Variants in TEAD1 observed in about 807,000 individuals in gnomAD.
The protein encoded by TEAD1 is transcriptional enhancer factor TEF-1.
In TEAD1, 9 loss-of-function variants were observed where a neutral mutation model predicts 54.9. The observed-to-expected ratio is 0.16, with a 90% CI of 0.10 to 0.29. The LOEUF is 0.29. Ranked by LOEUF, TEAD1 falls within the 10% of genes least tolerant of loss-of-function variation. The pLI is 1.00. For synonymous variants in TEAD1, 200 were observed against 187.8 expected (o/e 1.07, Z -0.53); for missense variants, 387 against 535.9 (o/e 0.72, Z 2.74).
In TEAD1 at chr11:12,939,581, C is replaced by T. The variant is rs1035103609; in HGVS notation, c.*2359C>T. 11 of 152,248 alleles carry T rather than the reference C, an allele frequency of 7.2e-5. No homozygotes were observed. The highest frequency in any genetic ancestry group is 2.7e-4 in the African/African-American group (11 of 41,456). The allele number at this position is 152,248 out of a possible 1,614,324, so 9.4% of individuals were successfully genotyped here. ...AACTCTGTTGGCACAGAGACGGGGA[C>T]AGCCCAGTCTGCTGACCTCACAGGG... On this transcript the variant is annotated 3_prime_UTR_variant, in exon 13 of 13. Coordinates refer to ENST00000527636, the MANE Select transcript of TEAD1 (RefSeq NM_021961.6).
At chr11:12,695,909 A>T (rs1198402486) in intron 2 of TEAD1, among the ~76,000 whole-genome samples, 2 of 152,190 alleles carry the variant, frequency 1.3e-5, no homozygotes, top group African/African-American at 4.8e-5. Flanking sequence ...TATTTTAGCC[A>T]GGTTCTGCCC....
intron 2 of TEAD1, among the ~76,000 whole-genome samples, chr11:12,754,255 A>C (rs1022669600): frequency 6.6e-6 from 1 of 152,188 alleles, no homozygotes; most frequent in Non-Finnish European, 1.5e-5. Context: ...ATGTTGTCTC[A>C]CTTTTATCCA....
chr11:12,937,266 C>T lies in TEAD1; in HGVS notation c.*44C>T. ...ATAGATATCTGTATATACACACACA[C>T]ATATGTGCACACACACACTCTCTCT... On this transcript the variant is annotated 3_prime_UTR_variant, in exon 13 of 13. Coordinates refer to ENST00000527636, the MANE Select transcript of TEAD1 (RefSeq NM_021961.6). 6 of 1,302,486 alleles carry T rather than the reference C, an allele frequency of 4.6e-6. No homozygotes were observed. The highest frequency in any genetic ancestry group is 6.6e-6 in the Non-Finnish European group (6 of 905,090). 80.7% of individuals were successfully genotyped at this position (1,302,486 alleles called of 1,614,324 possible).
intron 10 of TEAD1, among the ~76,000 whole-genome samples, chr11:12,915,535 A>G (rs1446413251): frequency 6.6e-6 from 1 of 152,228 alleles, no homozygotes; most frequent in Non-Finnish European, 1.5e-5. Context: ...AAAGGCAAAA[A>G]CATGAAATTT....
intron 2 of TEAD1, among the ~76,000 whole-genome samples, chr11:12,676,800 T>G (rs1590042226): frequency 6.6e-6 from 1 of 152,346 alleles, no homozygotes; most frequent in South Asian, 2.1e-4. Context: ...TGTTGAACTC[T>G]CAGGTTTCAG....
At chr11:12,907,378 A>C (rs889577295) in intron 10 of TEAD1, among the ~76,000 whole-genome samples, 1 of 152,176 alleles carries the variant, frequency 6.6e-6, no homozygotes, top group Non-Finnish European at 1.5e-5. Flanking sequence ...GTGTTTTAAC[A>C]ATTTTTCAGT....
chr11:12,782,112 G>C (rs1590145709), intron 3 of TEAD1, among the ~76,000 whole-genome samples: 1 of 151,942 alleles, frequency 6.6e-6, no homozygotes, highest in African/African-American at 2.4e-5. Context: ...ATCTCCCCAC[G>C]GCACTCCAGC....
At chr11:12,829,071 G>T (rs982673032) in intron 3 of TEAD1, among the ~76,000 whole-genome samples, 5 of 152,094 alleles carry the variant, frequency 3.3e-5, no homozygotes, top group African/African-American at 1.2e-4. Flanking sequence ...AGAGCCATCG[G>T]TTTGTTATTG....
chr11:12,819,611 G>C (rs1294252594), intron 3 of TEAD1, among the ~76,000 whole-genome samples: 1 of 151,922 alleles, frequency 6.6e-6, no homozygotes, highest in Non-Finnish European at 1.5e-5. Flanking sequence ...ACCAAGCCCG[G>C]CTAATTTTTT....
At chr11:12,861,638 A>T (rs1947505724) in intron 3 of TEAD1, among the ~76,000 whole-genome samples, 1 of 152,252 alleles carries the variant, frequency 6.6e-6, no homozygotes, top group South Asian at 2.1e-4. Flanking sequence ...TTTGTTGCTT[A>T]TATGAGTGAC....
At chr11:12,720,693 C>G (rs1944176720) in intron 2 of TEAD1, among the ~76,000 whole-genome samples, 1 of 152,166 alleles carries the variant, frequency 6.6e-6, no homozygotes, top group Non-Finnish European at 1.5e-5. Flanking sequence ...ATAATTGTAA[C>G]CAGCAGAGCT....
At chr11:12,845,522 C>T (rs1004465945) in intron 3 of TEAD1, among the ~76,000 whole-genome samples, 2 of 152,200 alleles carry the variant, frequency 1.3e-5, no homozygotes, top group African/African-American at 4.8e-5. Flanking sequence ...CTGTGACATG[C>T]ATTAACAATA....
intron 9 of TEAD1, 38 bp from the exon 10 acceptor site, chr11:12,901,902 G>T (rs1948432295): frequency 6.2e-6 from 10 of 1,613,932 alleles, no homozygotes; most frequent in Non-Finnish European, 8.5e-6. Flanking sequence ...GTTGATCAAA[G>T]AGTTTGTAAT....
At chr11:12,764,955 G>C (rs894997702) in intron 3 of TEAD1, among the ~76,000 whole-genome samples, 1 of 150,472 alleles carries the variant, frequency 6.6e-6, no homozygotes, top group Non-Finnish European at 1.5e-5. Context: ...ACTCTGTACA[G>C]GCCAGAGAAA....
chr11:12,883,873 T>G (rs1948027698), intron 9 of TEAD1, among the ~76,000 whole-genome samples: 1 of 151,816 alleles, frequency 6.6e-6, no homozygotes, highest in South Asian at 2.1e-4. Flanking sequence ...CACGCACATG[T>G]AGTCCCAGCT....
At chr11:12,742,357 T>A (rs1944665050) in intron 2 of TEAD1, among the ~76,000 whole-genome samples, 1 of 152,050 alleles carries the variant, frequency 6.6e-6, no homozygotes, top group Non-Finnish European at 1.5e-5. Flanking sequence ...AGTGAAATAA[T>A]AAAAGTAAAG....
At chr11:12,694,810 C>T (rs1943544880) in intron 2 of TEAD1, among the ~76,000 whole-genome samples, 1 of 152,122 alleles carries the variant, frequency 6.6e-6, no homozygotes, top group Admixed American at 6.5e-5. Flanking sequence ...GACCCTTCTC[C>T]CCCCTACTGT....
intron 9 of TEAD1, among the ~76,000 whole-genome samples, chr11:12,884,830 G>A (rs562521528): frequency 4.6e-5 from 7 of 152,274 alleles, no homozygotes; most frequent in Admixed American, 1.3e-4. Context: ...GGTTAAATCC[G>A]TCTAGGTGGA....
At chr11:12,772,584 G>A (rs1945334421) in intron 3 of TEAD1, among the ~76,000 whole-genome samples, 1 of 152,196 alleles carries the variant, frequency 6.6e-6, no homozygotes, top group Admixed American at 6.5e-5. Flanking sequence ...ACTCAGCAGT[G>A]AGTATTAGCA....
Sources: allele counts gnomAD v4.1 joint callset (sites outside exome capture counted in the v4.1 genomes callset), GRCh38; gene constraint gnomAD v4.1.1; transcripts MANE v1.5; gene names NCBI Gene and HGNC (gene_info 2026-07-23, HGNC 2026-07-21).